Variants in MMP26 observed in about 807,000 individuals in gnomAD.
MMP26 encodes matrix metalloproteinase-26.
A neutral mutation model predicts 31.0 loss-of-function variants in MMP26; 33 were observed. The ratio of observed to expected loss-of-function variants is 1.06; its 90% CI spans 0.81 to 1.42. The LOEUF (loss-of-function observed/expected upper bound fraction) is 1.42. Ranked by LOEUF, MMP26 falls within the 40% of genes most tolerant of loss-of-function variation. The probability of loss-of-function intolerance (pLI) is 0.00; values close to 1 mark genes in which losing one functional copy is unlikely to be tolerated. For missense variants in MMP26, 347 were observed against 316.1 expected (o/e 1.10, Z -0.74); for synonymous variants, 122 against 114.9 (o/e 1.06, Z -0.40).
At chr11:4,962,132 G>C (rs1304166962) in intron 2 of MMP26, among the ~76,000 whole-genome samples, 1 of 152,158 alleles carries the variant, frequency 6.6e-6, no homozygotes, top group Non-Finnish European at 1.5e-5. Flanking sequence ...TAGATCAGTA[G>C]TGGAAGCAGC....
At chr11:4,946,785 T>A in intron 2 of MMP26, 1 of 1,587,674 alleles carries the variant, frequency 6.3e-7, no homozygotes. Flanking sequence ...AATCCATGAA[T>A]GAAGAATTCC....
At chr11:4,813,946 A>G (rs1849385159) in intron 2 of MMP26, among the ~76,000 whole-genome samples, 1 of 152,112 alleles carries the variant, frequency 6.6e-6, no homozygotes, top group African/African-American at 2.4e-5. Flanking sequence ...AGGAAAACCA[A>G]CTCATGAAAA....
intron 2 of MMP26, among the ~76,000 whole-genome samples, chr11:4,805,101 C>G (rs1589906335): frequency 2.0e-5 from 3 of 152,148 alleles, no homozygotes; most frequent in Admixed American, 1.3e-4. Flanking sequence ...TTAGCTTAAA[C>G]TTTTCCACAG....
Position 4,935,176 on chromosome 11 carries a change from G to A in MMP26, c.-144-52892G>A, listed in dbSNP as rs536197426. 4.1e-3 allele frequency among the ~76,000 whole-genome samples: 619 copies of A among 150,042 alleles called. 7 individuals carry two copies. Among genetic ancestry groups the A allele is most frequent in the African/African-American group, 0.014 (559 of 40,972 alleles). On this transcript the variant is annotated intron_variant, in intron 2 of 7. Transcript: ENST00000380390. ...GTAAACTACCTTGGGCAGTATGGCC[G>A]TTTTCACGATATTGATTCTTCCTAC...
intron 2 of MMP26, among the ~76,000 whole-genome samples, chr11:4,927,510 C>T (rs1175679000): frequency 2.6e-5 from 4 of 152,164 alleles, no homozygotes; most frequent in Non-Finnish European, 4.4e-5. Flanking sequence ...CCTTGACTGA[C>T]ATGATGAGGG....
Position 4,780,845 on chromosome 11 carries a change from A to G in MMP26, c.-145+13504A>G, listed in dbSNP as rs182357135. ...ATAAAATATATAAACATATATTGAT[A>G]AATATATAAATTAATGTATCTATAA... On this transcript the variant is annotated intron_variant, in intron 2 of 7. Coordinates refer to ENST00000380390, the MANE Select transcript of MMP26 (RefSeq NM_021801.5). Among the ~76,000 whole-genome samples the G allele has an allele frequency of 7.4e-3, 1,115 of 151,564 alleles. 31 individuals are homozygous for G. Among genetic ancestry groups the G allele is most frequent in the Admixed American group, 0.049 (754 of 15,250 alleles).
chr11:4,798,415 C>T (rs1177419018), intron 2 of MMP26, among the ~76,000 whole-genome samples: 3 of 152,224 alleles, frequency 2.0e-5, no homozygotes, highest in African/African-American at 7.2e-5. Flanking sequence ...CAGGGGAGGT[C>T]TAGACCACGG....
chr11:4,860,189 C>T (rs537283251), intron 2 of MMP26: 1 of 470,964 alleles, frequency 2.1e-6, no homozygotes, highest in African/African-American at 2.0e-5. Flanking sequence ...CGGATGGCCA[C>T]AAATCTGTCA....
At chr11:4,748,571 C>A in intron 1 of MMP26, among the ~76,000 whole-genome samples, 5 of 132,612 alleles carry the variant, frequency 3.8e-5, no homozygotes, top group Non-Finnish European at 4.7e-5. Flanking sequence ...AATCAAACAG[C>A]ACATCAAAAA....
At chr11:4,859,876 A>G in intron 2 of MMP26, 1 of 471,196 alleles carries the variant, frequency 2.1e-6, no homozygotes, top group Non-Finnish European at 4.4e-6. Context: ...TCTGGAGACA[A>G]TGCCCAGCAC....
At chr11:4,849,305 CT>C (rs1385648928) in intron 2 of MMP26, 1 of 1,325,266 alleles carries the variant, frequency 7.5e-7, no homozygotes, top group Non-Finnish European at 1.0e-6. Flanking sequence ...CCAAAATAGC[CT>C]GCATCTTCCC....
intron 2 of MMP26, among the ~76,000 whole-genome samples, chr11:4,951,522 G>T (rs1846373363): frequency 8.0e-6 from 1 of 124,282 alleles, no homozygotes. Context: ...AAGTGATTCT[G>T]CCATTATTGG....
intron 2 of MMP26, chr11:4,945,714 C>T (rs1053670110): frequency 1.9e-5 from 4 of 209,822 alleles, no homozygotes; most frequent in African/African-American, 9.6e-5. Context: ...AAATCCAGCA[C>T]ATGTATCCCA....
At chr11:4,848,661 G>T in intron 2 of MMP26, 1 of 1,613,906 alleles carries the variant, frequency 6.2e-7, no homozygotes, top group South Asian at 1.1e-5. Context: ...ATAAGAATGG[G>T]TTAGGACCTG....
At chr11:4,829,508 A>G (rs1484028126) in intron 2 of MMP26, among the ~76,000 whole-genome samples, 7 of 152,142 alleles carry the variant, frequency 4.6e-5, no homozygotes, top group Non-Finnish European at 2.9e-5. Flanking sequence ...GAATTATACA[A>G]TTTATTTATT....
chr11:4,722,639 G>A, intron 1 of MMP26: 1 of 640,978 alleles, frequency 1.6e-6, no homozygotes, highest in Admixed American at 2.5e-5. Flanking sequence ...CCTCAGGTGG[G>A]TCCCCTGTTC....
chr11:4,934,802 A>G (rs1851409137), intron 2 of MMP26, among the ~76,000 whole-genome samples: 1 of 150,492 alleles, frequency 6.6e-6, no homozygotes, highest in African/African-American at 2.4e-5. Context: ...ATGGCTAGCC[A>G]GTTTTCCCAG....
chr11:4,972,072 G>C (rs541613417), intron 2 of MMP26, among the ~76,000 whole-genome samples: 1 of 152,150 alleles, frequency 6.6e-6, no homozygotes. Flanking sequence ...GCATGTAATT[G>C]ACCTAACAGG....
chr11:4,962,915 A>C (rs2133622736), intron 2 of MMP26, among the ~76,000 whole-genome samples: 1 of 152,336 alleles, frequency 6.6e-6, no homozygotes, highest in East Asian at 1.9e-4. Flanking sequence ...CACATGTCAA[A>C]GTACAGGGGA....
Sources: allele counts gnomAD v4.1 joint callset (sites outside exome capture counted in the v4.1 genomes callset), GRCh38; gene constraint gnomAD v4.1.1; transcripts MANE v1.5; gene names NCBI Gene and HGNC (gene_info 2026-07-23, HGNC 2026-07-21).